CCDC192: variants seen among roughly 807,000 people sequenced by gnomAD.
The protein encoded by CCDC192 is coiled-coil domain containing 192, also known as coiled-coil domain-containing protein 192.
intron 6 of CCDC192, among the ~76,000 whole-genome samples, chr5:127,923,775 G>A (rs1753797114): frequency 6.6e-6 from 1 of 152,162 alleles, no homozygotes; most frequent in African/African-American, 2.4e-5. Context: ...AAAATATGAG[G>A]TAAATTCTGT....
chr5:127,854,816 T>C (rs1038428766), intron 5 of CCDC192, among the ~76,000 whole-genome samples: 2 of 152,248 alleles, frequency 1.3e-5, no homozygotes, highest in African/African-American at 4.8e-5. Flanking sequence ...TACACTATTC[T>C]ATCATTTATT....
chr5:127,746,212 C>G (rs1358938864), intron 2 of CCDC192, among the ~76,000 whole-genome samples: 2 of 152,180 alleles, frequency 1.3e-5, no homozygotes, highest in East Asian at 3.8e-4. Context: ...TTTCTCTGTC[C>G]TAAAACAGAT....
intron 3 of CCDC192, among the ~76,000 whole-genome samples, chr5:127,780,240 T>C (rs1756128500): frequency 6.6e-6 from 1 of 152,168 alleles, no homozygotes; most frequent in Non-Finnish European, 1.5e-5. Flanking sequence ...GGTTCCACAA[T>C]TTTGCAATTG....
chr5:127,863,240 A>C (rs1751448451), intron 5 of CCDC192, among the ~76,000 whole-genome samples: 1 of 152,258 alleles, frequency 6.6e-6, no homozygotes, highest in East Asian at 1.9e-4. Context: ...CACAGTAACC[A>C]AGGGCTGGAA....
At chr5:127,720,929 C>CA (rs1386078867) in intron 2 of CCDC192, among the ~76,000 whole-genome samples, 1 of 152,244 alleles carries the variant, frequency 6.6e-6, no homozygotes, top group African/African-American at 2.4e-5. Flanking sequence ...TACAGAGCAG[C>CA]AGGACCTTGG....
intron 6 of CCDC192, among the ~76,000 whole-genome samples, chr5:127,926,350 A>G (rs1200375937): frequency 6.6e-6 from 1 of 152,234 alleles, no homozygotes; most frequent in Non-Finnish European, 1.5e-5. Flanking sequence ...TCAGCTTGTT[A>G]CTTCCTTATG....
At chr5:127,738,077 C>T (rs1163123446) in intron 2 of CCDC192, among the ~76,000 whole-genome samples, 2 of 151,850 alleles carry the variant, frequency 1.3e-5, no homozygotes, top group Non-Finnish European at 2.9e-5. Flanking sequence ...ACCAGTTGTT[C>T]CTTTCCATGT....
intron 6 of CCDC192, among the ~76,000 whole-genome samples, chr5:127,906,251 C>A (rs1168857215): frequency 6.6e-6 from 1 of 152,166 alleles, no homozygotes; most frequent in Non-Finnish European, 1.5e-5. Flanking sequence ...ATTCTAGGTA[C>A]CTCCTACAGG....
chr5:127,811,344 C>T (rs1330019147), intron 5 of CCDC192, among the ~76,000 whole-genome samples: 1 of 152,160 alleles, frequency 6.6e-6, no homozygotes. Flanking sequence ...AAGTTAATTT[C>T]CTCTCCTTGC....
At chr5:127,745,022 A>G (rs1753657316) in intron 2 of CCDC192, among the ~76,000 whole-genome samples, 1 of 152,198 alleles carries the variant, frequency 6.6e-6, no homozygotes, top group African/African-American at 2.4e-5. Context: ...AGTCACTGTT[A>G]TAGCCTCTCA....
chr5:127,818,155 A>G (rs911930426), intron 5 of CCDC192, among the ~76,000 whole-genome samples: 2 of 152,192 alleles, frequency 1.3e-5, no homozygotes, highest in African/African-American at 4.8e-5. Context: ...TTTTTTGCTT[A>G]TAACCTGCTT....
At chr5:127,757,562 T>C (rs1410864437) in intron 3 of CCDC192, among the ~76,000 whole-genome samples, 3 of 151,952 alleles carry the variant, frequency 2.0e-5, no homozygotes, top group Non-Finnish European at 4.4e-5. Flanking sequence ...TTTTAAAATT[T>C]AAGTCAACAT....
intron 5 of CCDC192, among the ~76,000 whole-genome samples, chr5:127,810,028 A>G (rs117882455): frequency 1.3e-5 from 2 of 152,330 alleles, no homozygotes; most frequent in East Asian, 1.9e-4. Context: ...CTGTTCTACA[A>G]TTTGAAAGAT....
In CCDC192 at chr5:127,836,804, AG is replaced by A. The variant is rs2127055374; in HGVS notation, c.411+38643del. On this transcript the variant is annotated intron_variant, in intron 5 of 6. Transcript: ENST00000514853. ...GCCCCTGGACCAGGCCCACAAAACC[AG>A]TTTTCCCTCCTAGGCCTTGGGTCTG... Among the ~76,000 whole-genome samples the A allele has an allele frequency of 2.5e-5, 2 of 80,650 alleles. 1 individual carries two copies. Among genetic ancestry groups the A allele is most frequent in the Non-Finnish European group, 5.9e-5 (2 of 33,796 alleles). The allele number at this position is 80,650 out of a possible 152,430, so 52.9% of individuals were successfully genotyped here.
At chr5:127,781,242 A>G (rs568319909) in intron 3 of CCDC192, among the ~76,000 whole-genome samples, 65 of 152,188 alleles carry the variant, frequency 4.3e-4, no homozygotes, top group African/African-American at 1.5e-3. Flanking sequence ...GCCTTATAGT[A>G]TAGTTTGAAA....
chr5:127,872,881 G>T (rs1751919927), intron 5 of CCDC192, among the ~76,000 whole-genome samples: 1 of 151,872 alleles, frequency 6.6e-6, no homozygotes, highest in Non-Finnish European at 1.5e-5. Flanking sequence ...CAGATTATAA[G>T]GTAAATATAC....
intron 6 of CCDC192, among the ~76,000 whole-genome samples, chr5:127,920,282 A>G (rs1753669516): frequency 6.6e-6 from 1 of 152,232 alleles, no homozygotes; most frequent in Admixed American, 6.5e-5. Context: ...TAAATAGAAA[A>G]AAATTATCTA....
At chr5:127,833,662 G>T (rs1749899481) in intron 5 of CCDC192, among the ~76,000 whole-genome samples, 1 of 152,070 alleles carries the variant, frequency 6.6e-6, no homozygotes. Flanking sequence ...GTATTTCTTT[G>T]CAGATGACCT....
chr5:127,717,137 A>G (rs1267979648), intron 2 of CCDC192, among the ~76,000 whole-genome samples: 2 of 152,196 alleles, frequency 1.3e-5, no homozygotes, highest in East Asian at 3.8e-4. Context: ...AATATATATA[A>G]GAAATTAAAT....
Sources: gnomAD v4.1 joint callset for allele counts (sites outside exome capture counted in the v4.1 genomes callset) on GRCh38, gnomAD v4.1.1 for gene constraint, MANE v1.5 for transcripts, NCBI Gene and HGNC (gene_info 2026-07-23, HGNC 2026-07-21) for gene names.